NR3C1: variants seen among roughly 807,000 people sequenced by gnomAD.
NR3C1 encodes the protein nuclear receptor subfamily 3 group C member 1, also known as glucocorticoid receptor.
A neutral mutation model predicts 74.0 loss-of-function variants in NR3C1; 14 were observed. That is an observed-to-expected ratio of 0.19 (90% CI 0.12 to 0.30). The LOEUF is 0.30. NR3C1 is among the 10% of genes least tolerant of loss of function. The pLI, the probability that NR3C1 is intolerant of heterozygous loss-of-function variation, is 1.00. For missense variants in NR3C1, 695 were observed against 909.8 expected (o/e 0.76, Z 3.04); for synonymous variants, 308 against 332.5 (o/e 0.93, Z 0.80).
intron 4 of NR3C1, among the ~76,000 whole-genome samples, chr5:143,306,874 A>ATTTTTTTTTTTTTT (rs70991802): frequency 4.8e-5 from 4 of 82,870 alleles, no homozygotes; most frequent in African/African-American, 2.0e-4. Context: ...GTATGCTTAA[A>ATTTTTTTTTTTTTT]TTTTTTTTTT....
chr5:143,425,013 A>G (rs929822364), intron 1 of NR3C1, among the ~76,000 whole-genome samples: 3 of 152,232 alleles, frequency 2.0e-5, no homozygotes, highest in Admixed American at 2.0e-4. Context: ...AAGCTGCAGT[A>G]ATCAAGACAG....
chr5:143,404,230 G>A (rs747115750), upstream of NR3C1: 1 of 985,336 alleles, frequency 1.0e-6, no homozygotes, highest in African/African-American at 1.7e-5. Flanking sequence ...CGAGTTGCGT[G>A]AAGTGTGTCA....
intron 2 of NR3C1, among the ~76,000 whole-genome samples, chr5:143,372,995 G>T (rs561680858): frequency 2.4e-4 from 36 of 152,116 alleles, no homozygotes; most frequent in African/African-American, 8.7e-4. Context: ...ACAAAAAACT[G>T]CCTTGACTTC....
intron 7 of NR3C1, 99 bp downstream of exon 7, chr5:143,295,361 C>CT: frequency 6.7e-7 from 1 of 1,499,682 alleles, no homozygotes; most frequent in Non-Finnish European, 8.9e-7. Context: ...TAATAGTAGA[C>CT]TTGGTATAAT....
chr5:143,368,562 CA>C (rs1833686985), intron 2 of NR3C1, among the ~76,000 whole-genome samples: 1 of 151,618 alleles, frequency 6.6e-6, no homozygotes, highest in African/African-American at 2.4e-5. Flanking sequence ...CACACACACA[CA>C]CACACCGACA....
chr5:143,366,076 A>G (rs1218900791), intron 2 of NR3C1, among the ~76,000 whole-genome samples: 1 of 152,236 alleles, frequency 6.6e-6, no homozygotes, highest in African/African-American at 2.4e-5. Flanking sequence ...AATTCAAATC[A>G]GGAACTTAAT....
intron 2 of NR3C1, among the ~76,000 whole-genome samples, chr5:143,368,558 C>CAA (rs1462231659): frequency 2.0e-5 from 3 of 151,724 alleles, no homozygotes; most frequent in Non-Finnish European, 4.4e-5. Flanking sequence ...CACACACACA[C>CAA]ACACACACAC....
intron 2 of NR3C1, among the ~76,000 whole-genome samples, chr5:143,346,096 G>A (rs1345345880): frequency 1.3e-5 from 2 of 152,118 alleles, no homozygotes; most frequent in African/African-American, 4.8e-5. Flanking sequence ...ATTATTATGA[G>A]GCATACACTG....
At chr5:143,347,426 T>C (rs979548243) in intron 2 of NR3C1, among the ~76,000 whole-genome samples, 1 of 152,152 alleles carries the variant, frequency 6.6e-6, no homozygotes, top group Non-Finnish European at 1.5e-5. Flanking sequence ...AACTCTAATG[T>C]TAGTTATTTT....
intron 1 of NR3C1, among the ~76,000 whole-genome samples, chr5:143,432,042 T>C (rs1475201848): frequency 2.0e-5 from 3 of 152,096 alleles, no homozygotes; most frequent in Non-Finnish European, 4.4e-5. Context: ...GAGCAGAATA[T>C]GTGTACGACT....
intron 7 of NR3C1, chr5:143,294,969 A>G (rs367912027): frequency 1.0e-6 from 1 of 985,446 alleles, no homozygotes; most frequent in African/African-American, 1.7e-5. Flanking sequence ...TTTCTAGATA[A>G]TGAATCTCTG....
chr5:143,337,135 G>C (rs1827308030), intron 2 of NR3C1, among the ~76,000 whole-genome samples: 1 of 152,086 alleles, frequency 6.6e-6, no homozygotes, highest in Admixed American at 6.6e-5. Context: ...CTTGTGCTCA[G>C]AGAATAACAG....
chr5:143,344,705 T>A (rs903405411), intron 2 of NR3C1, among the ~76,000 whole-genome samples: 1 of 152,154 alleles, frequency 6.6e-6, no homozygotes, highest in Admixed American at 6.5e-5. Context: ...AAACCTTGTC[T>A]CTACTAAAAA....
chr5:143,403,970 A>T (rs1176286904), upstream of NR3C1: 47 of 984,914 alleles, frequency 4.8e-5, no homozygotes, highest in Non-Finnish European at 5.5e-5. Context: ...TGGCGGCGGC[A>T]GCGGCGGGGG....
intron 1 of NR3C1, among the ~76,000 whole-genome samples, chr5:143,427,538 A>C (rs1362612376): frequency 6.6e-6 from 1 of 152,188 alleles, no homozygotes; most frequent in Non-Finnish European, 1.5e-5. Flanking sequence ...AGGATTTGGG[A>C]ATTCCCATCC....
At chr5:143,374,267 T>C (rs1005198946) in intron 2 of NR3C1, among the ~76,000 whole-genome samples, 1 of 151,452 alleles carries the variant, frequency 6.6e-6, no homozygotes, top group African/African-American at 2.4e-5. Flanking sequence ...CCGAGGCGGG[T>C]GGATCACGAG....
intron 2 of NR3C1, among the ~76,000 whole-genome samples, chr5:143,385,353 T>C (rs1490635971): frequency 6.6e-6 from 1 of 152,254 alleles, no homozygotes; most frequent in African/African-American, 2.4e-5. Context: ...TCTATGCATA[T>C]TTCTGCAGCT....
At chr5:143,343,491 T>A (rs1313439230) in intron 2 of NR3C1, among the ~76,000 whole-genome samples, 1 of 152,194 alleles carries the variant, frequency 6.6e-6, no homozygotes, top group Non-Finnish European at 1.5e-5. Context: ...ATGTGTGAGG[T>A]AGGTACTATT....
rs144776620 is a variant in NR3C1, at chr5:143,297,780, T to C, written c.1892+888A>G. Among the ~76,000 whole-genome samples the C allele has an allele frequency of 1.0e-3, 155 of 152,338 alleles. 3 individuals carry two copies. In the East Asian group the frequency reaches 0.022, roughly 22 times the overall value. ...GAGAGTAACTAGGATGTGACTTCTC[T>C]GCTGTGTATCTGGTGATGTGAACAC... On this transcript the variant is annotated intron_variant, in intron 6 of 8. Coordinates refer to ENST00000394464, the MANE Select transcript of NR3C1 (RefSeq NM_000176.3).
Sources: allele counts gnomAD v4.1 joint callset (sites outside exome capture counted in the v4.1 genomes callset), GRCh38; gene constraint gnomAD v4.1.1; transcripts MANE v1.5; gene names NCBI Gene and HGNC (gene_info 2026-07-23, HGNC 2026-07-21).